Variants in HIBADH observed in about 807,000 individuals in gnomAD.
HIBADH encodes 3-hydroxyisobutyrate dehydrogenase, also known as 3-hydroxyisobutyrate dehydrogenase, mitochondrial.
HIBADH carries 25 observed loss-of-function variants against 36.1 expected under a neutral mutation model. The ratio of observed to expected loss-of-function variants is 0.69; its 90% CI spans 0.50 to 0.97. HIBADH has a LOEUF of 0.97. Ranked by LOEUF, HIBADH falls within the 50% of genes least tolerant of loss-of-function variation. The probability of loss-of-function intolerance (pLI) is 0.00; values close to 1 mark genes in which losing one functional copy is unlikely to be tolerated. For synonymous variants in HIBADH, 160 were observed against 149.5 expected (o/e 1.07, Z -0.51); for missense variants, 421 against 418.0 (o/e 1.01, Z -0.06).
At chr7:27,589,238 T>A (rs1784907134) in intron 4 of HIBADH, among the ~76,000 whole-genome samples, 1 of 152,188 alleles carries the variant, frequency 6.6e-6, no homozygotes, top group African/African-American at 2.4e-5. Flanking sequence ...TTTTTAAAAA[T>A]CACTAAAATG....
chr7:27,656,988 A>G (rs930376796), intron 1 of HIBADH, among the ~76,000 whole-genome samples: 2 of 152,220 alleles, frequency 1.3e-5, no homozygotes, highest in Non-Finnish European at 2.9e-5. Flanking sequence ...CAAGTTTCAA[A>G]CTGTCTAAAC....
At chr7:27,636,709 A>G (rs970956805) in intron 2 of HIBADH, among the ~76,000 whole-genome samples, 2 of 152,390 alleles carry the variant, frequency 1.3e-5, no homozygotes, top group African/African-American at 4.8e-5. Context: ...GACTTTTGGC[A>G]TAGATCAGCA....
At chr7:27,587,127 G>C (rs1037609261) in intron 4 of HIBADH, among the ~76,000 whole-genome samples, 2 of 152,070 alleles carry the variant, frequency 1.3e-5, no homozygotes, top group South Asian at 4.1e-4. Context: ...ACTGCTCCTA[G>C]AACCGATCTC....
At chr7:27,571,323 A>G (rs775266104) in intron 4 of HIBADH, among the ~76,000 whole-genome samples, 7 of 152,036 alleles carry the variant, frequency 4.6e-5, no homozygotes, top group Non-Finnish European at 1.0e-4. Context: ...CCCAGGTTCA[A>G]GTGATTCTCC....
chr7:27,607,647 A>G (rs1785253019), intron 4 of HIBADH, among the ~76,000 whole-genome samples: 1 of 152,224 alleles, frequency 6.6e-6, no homozygotes, highest in South Asian at 2.1e-4. Flanking sequence ...ATATGGAAAT[A>G]ATTATTTTAA....
chr7:27,617,431 A>G (rs1214446310), intron 4 of HIBADH, among the ~76,000 whole-genome samples: 1 of 152,182 alleles, frequency 6.6e-6, no homozygotes, highest in Non-Finnish European at 1.5e-5. Flanking sequence ...CACTATAACA[A>G]CTTATATTAA....
chr7:27,528,460 C>T (rs968829959), intron 7 of HIBADH, among the ~76,000 whole-genome samples: 1 of 152,122 alleles, frequency 6.6e-6, no homozygotes. Context: ...TTCCAGTGAA[C>T]ACATGAATGA....
chr7:27,559,941 A>C lies in HIBADH; in HGVS notation c.485-16841T>G, dbSNP rs1408589989. On this transcript the variant is annotated intron_variant, in intron 4 of 7. Coordinates refer to ENST00000265395, the MANE Select transcript of HIBADH (RefSeq NM_152740.4). ...AAATCAAACTCGTAAATTTCTAAAGATTTTGCCTTTATGTATTCACTGATA... is the reference window on the plus strand; with the variant it reads ...AAATCAAACTCGTAAATTTCTAAAGCTTTTGCCTTTATGTATTCACTGATA... 3.9e-5 allele frequency among the ~76,000 whole-genome samples: 6 copies of C among 152,146 alleles called. No individual in the cohort carries two copies. In the South Asian group the frequency reaches 1.2e-3, roughly 31 times the overall value.
At chr7:27,578,543 C>T (rs185800758) in intron 4 of HIBADH, among the ~76,000 whole-genome samples, 103 of 152,242 alleles carry the variant, frequency 6.8e-4, no homozygotes, top group African/African-American at 2.2e-3. Flanking sequence ...TCTCAAACTC[C>T]GGAACTCAGG....
chr7:27,597,437 T>C (rs368515914), intron 4 of HIBADH, among the ~76,000 whole-genome samples: 1,431 of 101,500 alleles, frequency 0.014, 21 homozygotes, highest in African/African-American at 0.056. Context: ...GAGCTTCCCA[T>C]AGACTCAGTA....
rs143378084 is a variant in HIBADH, at chr7:27,585,196, T to C, written c.485-42096A>G. Among the ~76,000 whole-genome samples, 1,323 of 149,358 alleles carry C rather than the reference T, an allele frequency of 8.9e-3. 49 individuals carry two copies. The highest frequency in any genetic ancestry group is 0.069 in the Admixed American group (1,032 of 15,038). ...ATATGTGTGTATATATGCACACACA[T>C]ATGTATGTATAAAAGTACGTGTGTA... On this transcript the variant is annotated intron_variant, in intron 4 of 7. Transcript: ENST00000265395.
At chr7:27,644,212 T>C (rs1174345527) in intron 2 of HIBADH, among the ~76,000 whole-genome samples, 1 of 152,136 alleles carries the variant, frequency 6.6e-6, no homozygotes, top group African/African-American at 2.4e-5. Context: ...ACGCCTGTAA[T>C]CCCAGCACTT....
chr7:27,526,504 G>T (rs1267147737), intron 7 of HIBADH, 132 bp from the exon 8 acceptor site: 2 of 607,048 alleles, frequency 3.3e-6, no homozygotes, highest in Non-Finnish European at 4.9e-6. Flanking sequence ...AAATACTATG[G>T]TAAGTTAACA....
chr7:27,633,222 G>A (rs1248969609), intron 2 of HIBADH, among the ~76,000 whole-genome samples: 2 of 152,168 alleles, frequency 1.3e-5, no homozygotes, highest in Non-Finnish European at 2.9e-5. Flanking sequence ...TGCATGAGTA[G>A]ATGCACTGTT....
At chr7:27,628,933 TG>T (rs1248782811) in intron 4 of HIBADH, among the ~76,000 whole-genome samples, 2 of 152,126 alleles carry the variant, frequency 1.3e-5, no homozygotes, top group East Asian at 3.8e-4. Context: ...AAAATTTAGA[TG>T]ATCTGCTCCT....
chr7:27,626,126 A>AAAAAAAG (rs1785639522), intron 4 of HIBADH, among the ~76,000 whole-genome samples: 1 of 149,776 alleles, frequency 6.7e-6, no homozygotes, highest in African/African-American at 2.5e-5. Context: ...AAAAAAAAAA[A>AAAAAAAG]GATGTACAGT....
chr7:27,597,554 A>AAT (rs1346006260), intron 4 of HIBADH, among the ~76,000 whole-genome samples: 1 of 152,086 alleles, frequency 6.6e-6, no homozygotes, highest in East Asian at 1.9e-4. Flanking sequence ...GCACTACCAG[A>AAT]ATCCCCCAAA....
intron 4 of HIBADH, among the ~76,000 whole-genome samples, chr7:27,562,886 T>C (rs1351756713): frequency 6.6e-6 from 1 of 152,368 alleles, no homozygotes; most frequent in African/African-American, 2.4e-5. Context: ...ACTGAAAATG[T>C]CTATGTTTAA....
intron 6 of HIBADH, among the ~76,000 whole-genome samples, chr7:27,536,891 T>C (rs1562613405): frequency 1.3e-5 from 2 of 152,212 alleles, no homozygotes; most frequent in Non-Finnish European, 2.9e-5. Flanking sequence ...TCCAGCCTTT[T>C]ACTTTATATA....
Sources: gnomAD v4.1 joint callset for allele counts (sites outside exome capture counted in the v4.1 genomes callset) on GRCh38, gnomAD v4.1.1 for gene constraint, MANE v1.5 for transcripts, NCBI Gene and HGNC (gene_info 2026-07-23, HGNC 2026-07-21) for gene names.